SCAPER: variants seen among roughly 807,000 people sequenced by gnomAD.
SCAPER encodes the protein S-phase cyclin A associated protein in the ER.
In SCAPER, 98 loss-of-function variants were observed where a neutral mutation model predicts 182.2. The ratio of observed to expected loss-of-function variants is 0.54; its 90% CI spans 0.46 to 0.64. The LOEUF (loss-of-function observed/expected upper bound fraction) is 0.64. Ranked by LOEUF, SCAPER falls within the 30% of genes least tolerant of loss-of-function variation. The probability of loss-of-function intolerance (pLI) is 0.00; values close to 1 mark genes in which losing one functional copy is unlikely to be tolerated. For synonymous variants in SCAPER, 605 were observed against 564.6 expected, an observed-to-expected ratio of 1.07 and a Z score of -1.01; for missense variants, 1,432 against 1,690.0, an observed-to-expected ratio of 0.85 and a Z score of 2.68.
At chr15:76,494,969 C>G (rs1408002371) in intron 24 of SCAPER, among the ~76,000 whole-genome samples, 2 of 152,010 alleles carry the variant, frequency 1.3e-5, no homozygotes, top group Admixed American at 6.5e-5. Flanking sequence ...GAGGGTAAAT[C>G]ATTCAGTCTT....
Position 76,574,224 on chromosome 15 carries a change from C to T in SCAPER, c.2772G>A (p.Trp924Ter). Reference protein sequence around the residue: ...KQVQVQDSGSWANNKVSALDR... With the variant: ...KQVQVQDSGS ...CCAAAGCAGACACTTTATTGTTTGC[C>T]CATGAGCCACTGTCTTGAACTTGTA... Residue 924 changes from tryptophan (W) to a stop codon, truncating the protein, a stop_gained, in exon 23 of 32, where the codon TGG becomes TGA. Coordinates refer to ENST00000563290, the MANE Select transcript of SCAPER (RefSeq NM_020843.4). LOFTEE classifies it high-confidence loss of function. 3.7e-6 allele frequency: 6 copies of T among 1,611,564 alleles called. No homozygotes were observed. The highest frequency in any genetic ancestry group is 5.1e-6 in the Non-Finnish European group (6 of 1,178,866).
At chr15:76,526,718 G>T (rs2144433831) in intron 23 of SCAPER, among the ~76,000 whole-genome samples, 1 of 151,634 alleles carries the variant, frequency 6.6e-6, no homozygotes, top group African/African-American at 2.4e-5. Flanking sequence ...AATTTCAAAG[G>T]TATATTTTTA....
At chr15:76,404,867 G>A (rs970140449) in intron 26 of SCAPER, among the ~76,000 whole-genome samples, 188 bp from the exon 27 acceptor site, 23 of 151,992 alleles carry the variant, frequency 1.5e-4, no homozygotes, top group African/African-American at 5.3e-4. Context: ...CTTTCTGTAA[G>A]TATTTTTTTC....
At position 76,527,656 on chromosome 15, in the gene SCAPER, G is replaced by GCC. The variant is rs1202387354; in HGVS notation, c.2839-22684_2839-22683dup. ...ACATAGCTGTTGTATGGGGCATTTA[G>GCC]CCCCCTTTTATTCCAATCCTAGTCA... On this transcript the variant is annotated intron_variant, in intron 23 of 31. Coordinates refer to ENST00000563290, the MANE Select transcript of SCAPER (RefSeq NM_020843.4). Among the ~76,000 whole-genome samples the GCC allele has an allele frequency of 3.9e-5, 6 of 152,128 alleles. No homozygotes were observed. The South Asian group carries it at 1.2e-3, about 31-fold the overall frequency.
intron 25 of SCAPER, among the ~76,000 whole-genome samples, chr15:76,442,883 T>G (rs2047713845): frequency 6.6e-6 from 1 of 152,188 alleles, no homozygotes; most frequent in African/African-American, 2.4e-5. Context: ...CTGTAGGTCT[T>G]TATTTATGAG....
rs371564571 is a variant in SCAPER at position 76,603,433 on chromosome 15, C to G, written c.2711+18331G>C. Among the ~76,000 whole-genome samples, 106 of 121,488 alleles carry G rather than the reference C, an allele frequency of 8.7e-4. 10 individuals are homozygous for G. Among genetic ancestry groups the G allele is most frequent in the African/African-American group, 2.4e-3 (97 of 39,858 alleles). The allele number at this position is 121,488 out of a possible 152,430, so 79.7% of individuals were successfully genotyped here. A position where few individuals can be genotyped will look rare whatever the true frequency, so the allele number is the denominator to read the frequency against. On this transcript the variant is annotated intron_variant, in intron 22 of 31. Coordinates refer to ENST00000563290, the MANE Select transcript of SCAPER (RefSeq NM_020843.4). Reference sequence around the variant, plus strand: ...CGTTTTCTTAATCCAGTCTATGGTTCTTGGACATTTAGGTTGGTTCCAAGT... The same window carrying G: ...CGTTTTCTTAATCCAGTCTATGGTTGTTGGACATTTAGGTTGGTTCCAAGT...
chr15:76,836,471 T>C (rs2068960699), intron 5 of SCAPER, among the ~76,000 whole-genome samples: 1 of 152,162 alleles, frequency 6.6e-6, no homozygotes, highest in South Asian at 2.1e-4. Context: ...AATAAAGGAT[T>C]CCTTATTCAA....
intron 23 of SCAPER, among the ~76,000 whole-genome samples, chr15:76,547,736 G>A (rs996548945): frequency 1.3e-5 from 2 of 151,972 alleles, no homozygotes. Context: ...CATGTATGTT[G>A]TATATATACA....
At chr15:76,503,042 G>A (rs1429110791) in intron 24 of SCAPER, among the ~76,000 whole-genome samples, 1 of 150,070 alleles carries the variant, frequency 6.7e-6, no homozygotes, top group African/African-American at 2.4e-5. Context: ...TGTCATGCAC[G>A]TTGAAGCCTA....
intron 5 of SCAPER, among the ~76,000 whole-genome samples, chr15:76,836,262 A>C (rs767630539): frequency 3.9e-5 from 6 of 152,204 alleles, no homozygotes; most frequent in Non-Finnish European, 8.8e-5. Flanking sequence ...CCCAATAGCC[A>C]AAGCAATCCT....
chr15:76,754,735 T>C (rs973293423), intron 14 of SCAPER, among the ~76,000 whole-genome samples: 1 of 151,942 alleles, frequency 6.6e-6, no homozygotes, highest in Non-Finnish European at 1.5e-5. Context: ...TGTTGAACCA[T>C]CCAAAAAAGT....
chr15:76,364,995 G>C lies in SCAPER; in HGVS notation c.3856-10855C>G, dbSNP rs568661296. Among the ~76,000 whole-genome samples the C allele has an allele frequency of 1.8e-3, 272 of 152,164 alleles. 5 individuals carry two copies. Among genetic ancestry groups the C allele is most frequent in the African/African-American group, 6.3e-3 (262 of 41,510 alleles). On this transcript the variant is annotated intron_variant, in intron 29 of 31. Transcript: ENST00000563290. ...ATCTCAAACCTCTGGCATAGATCCAGGTTTGTTAATTATTTCCCCCAGCCC... is the reference window on the plus strand; with the variant it reads ...ATCTCAAACCTCTGGCATAGATCCACGTTTGTTAATTATTTCCCCCAGCCC...
chr15:76,350,512 A>G (rs556479563), intron 31 of SCAPER: 2 of 152,068 alleles, frequency 1.3e-5, no homozygotes, highest in African/African-American at 2.4e-5. Context: ...TATCAAACTA[A>G]TGGAAGAATT....
intron 25 of SCAPER, among the ~76,000 whole-genome samples, chr15:76,435,371 T>G (rs2047133527): frequency 6.6e-6 from 1 of 152,256 alleles, no homozygotes; most frequent in Non-Finnish European, 1.5e-5. Flanking sequence ...CATTTTTCCC[T>G]ATATGTTGAA....
Position 76,423,866 on chromosome 15 carries a change from T to C in SCAPER, c.3311+10212A>G, listed in dbSNP as rs1441337774. On this transcript the variant is annotated intron_variant, in intron 26 of 31. Coordinates refer to ENST00000563290, the MANE Select transcript of SCAPER (RefSeq NM_020843.4). Reference sequence around the variant, plus strand: ...AAGAACATCTTTATTTCTCCCTTCATTTCGTTATTTACCCAGTAGTCATTC... The same window carrying C: ...AAGAACATCTTTATTTCTCCCTTCACTTCGTTATTTACCCAGTAGTCATTC... Among the ~76,000 whole-genome samples, 3 of 152,212 alleles carry C rather than the reference T, an allele frequency of 2.0e-5. No homozygotes were observed. In the East Asian group the frequency reaches 5.8e-4, roughly 29 times the overall value.
At chr15:76,800,421 A>G in intron 6 of SCAPER, 57 bp from the exon 7 acceptor site, 2 of 1,125,912 alleles carry the variant, frequency 1.8e-6, no homozygotes, top group East Asian at 4.7e-5. Context: ...AGAAACAAAT[A>G]ATCTTTTCTC....
chr15:76,735,069 GGT>G (rs1310047050), intron 15 of SCAPER, among the ~76,000 whole-genome samples: 1 of 151,938 alleles, frequency 6.6e-6, no homozygotes, highest in East Asian at 1.9e-4. Flanking sequence ...ACCTTGGCAG[GGT>G]GCAGTGGCTC....
chr15:76,733,408 G>A, intron 15 of SCAPER, 24 bp from the exon 16 acceptor site: 2 of 1,605,468 alleles, frequency 1.2e-6, no homozygotes, highest in African/African-American at 1.3e-5. Flanking sequence ...AAGAAGGTAA[G>A]GTTCAGATCA....
chr15:76,851,377 A>G (rs1383284656), intron 4 of SCAPER, among the ~76,000 whole-genome samples: 2 of 152,186 alleles, frequency 1.3e-5, no homozygotes, highest in Non-Finnish European at 2.9e-5. Flanking sequence ...AACCCCCAAG[A>G]CATGTAATCA....
Sources: gnomAD v4.1 joint callset for allele counts (sites outside exome capture counted in the v4.1 genomes callset) on GRCh38, gnomAD v4.1.1 for gene constraint, MANE v1.5 for transcripts, NCBI Gene and HGNC (gene_info 2026-07-23, HGNC 2026-07-21) for gene names.